The following C1QTNF7 variants were observed in gnomAD, a reference collection of about 807,000 sequenced individuals.
C1QTNF7 encodes complement C1q tumor necrosis factor-related protein 7.
Under a neutral mutation model 19.6 loss-of-function variants are expected in C1QTNF7, and 15 were observed. The observed-to-expected ratio is 0.76, with a 90% confidence interval of 0.51 to 1.18. The LOEUF (loss-of-function observed/expected upper bound fraction) is 1.18. Among genes scored for constraint, C1QTNF7 ranks in the 50% most tolerant of loss-of-function variants. C1QTNF7 has a pLI of 0.00. For synonymous variants in C1QTNF7, 142 were observed against 137.5 expected (o/e 1.03, Z -0.23); for missense variants, 324 against 359.7 (o/e 0.90, Z 0.80).
intron 1 of C1QTNF7, among the ~76,000 whole-genome samples, chr4:15,340,528 T>C (rs1716502762): frequency 6.6e-6 from 1 of 152,186 alleles, no homozygotes; most frequent in African/African-American, 2.4e-5. Context: ...ACAGGCTAAC[T>C]TATTCCCAAG....
chr4:15,383,683 T>A (rs1266237218), intron 1 of C1QTNF7, among the ~76,000 whole-genome samples: 1 of 152,176 alleles, frequency 6.6e-6, no homozygotes, highest in Non-Finnish European at 1.5e-5. Flanking sequence ...TCCCACCTAC[T>A]CCCAACCACA....
chr4:15,411,671 C>T (rs1719408071), intron 1 of C1QTNF7, among the ~76,000 whole-genome samples: 1 of 152,154 alleles, frequency 6.6e-6, no homozygotes, highest in Admixed American at 6.5e-5. Flanking sequence ...GCCTACAGCC[C>T]TGGCAGGGTC....
chr4:15,386,406 C>T (rs4698378), intron 1 of C1QTNF7, among the ~76,000 whole-genome samples: 73,263 of 152,036 alleles, frequency 0.48, 19,263 homozygotes, highest in African/African-American at 0.69. Context: ...AGGCACCAGA[C>T]ACTGTTCTGG....
Position 15,401,595 on chromosome 4 carries a change from A to G in C1QTNF7, c.14-34141A>G, listed in dbSNP as rs563532625. ...ACAGAAGGCAGATACAAAATTACATACATCATAAATGATCCACCACCAGAG... is the reference window on the plus strand; with the variant it reads ...ACAGAAGGCAGATACAAAATTACATGCATCATAAATGATCCACCACCAGAG... On this transcript the variant is annotated intron_variant, in intron 1 of 2. Coordinates refer to the C1QTNF7 transcript ENST00000295297. Among the ~76,000 whole-genome samples the G allele has an allele frequency of 7.2e-5, 11 of 152,372 alleles. No individual in the cohort carries two copies. In the South Asian group the frequency reaches 2.1e-3, roughly 29 times the overall value.
At chr4:15,410,802 G>T (rs1261045396) in intron 1 of C1QTNF7, among the ~76,000 whole-genome samples, 1 of 152,178 alleles carries the variant, frequency 6.6e-6, no homozygotes, top group Non-Finnish European at 1.5e-5. Flanking sequence ...AGAACTATTA[G>T]GGGAACAAAT....
intron 1 of C1QTNF7, chr4:15,374,612 CT>C: frequency 2.0e-6 from 2 of 985,406 alleles, no homozygotes; most frequent in Non-Finnish European, 2.4e-6. Context: ...TGGGAGAACG[CT>C]TTTGAAAGCG....
intron 1 of C1QTNF7, among the ~76,000 whole-genome samples, chr4:15,394,973 C>G (rs1016084936): frequency 7.9e-5 from 12 of 152,132 alleles, no homozygotes; most frequent in African/African-American, 2.9e-4. Flanking sequence ...GGAGGTGATT[C>G]AGTGACAACA....
At chr4:15,440,791 AT>A (rs1577286123) in intron 2 of C1QTNF7, among the ~76,000 whole-genome samples, 1 of 151,834 alleles carries the variant, frequency 6.6e-6, no homozygotes, top group African/African-American at 2.4e-5. Flanking sequence ...TCATTGTTTT[AT>A]GGTTATTGTA....
intron 1 of C1QTNF7, among the ~76,000 whole-genome samples, chr4:15,381,106 C>T (rs1447170828): frequency 6.6e-6 from 1 of 151,804 alleles, no homozygotes; most frequent in Non-Finnish European, 1.5e-5. Flanking sequence ...CATTTACTAG[C>T]TGTATCTCTT....
chr4:15,385,932 C>G (rs1001134381), intron 1 of C1QTNF7, among the ~76,000 whole-genome samples: 1 of 152,172 alleles, frequency 6.6e-6, no homozygotes, highest in Admixed American at 6.5e-5. Flanking sequence ...CATCATAACA[C>G]GATAATAAAA....
chr4:15,383,279 G>C lies in C1QTNF7; in HGVS notation c.13+43072G>C, dbSNP rs949002147. On this transcript the variant is annotated intron_variant, in intron 1 of 2. Transcript: ENST00000295297. The stretch of plus-strand genomic sequence containing the variant: ...CCAAATGATAATTTTCATGCAGCCA[G>C]AGTGTTGCTAGGTTCAGGGCAGAGG... 2.6e-5 allele frequency among the ~76,000 whole-genome samples: 4 copies of C among 152,114 alleles called. No homozygotes were observed. The East Asian group carries it at 7.7e-4, about 29-fold the overall frequency.
At chr4:15,416,523 C>G (rs116287268) in intron 1 of C1QTNF7, among the ~76,000 whole-genome samples, 2,268 of 152,282 alleles carry the variant, frequency 0.015, 58 homozygotes, top group African/African-American at 0.052. Context: ...CTGGACCAGG[C>G]AGGATACAGG....
chr4:15,428,849 T>C (rs1343302435), intron 1 of C1QTNF7, among the ~76,000 whole-genome samples: 4 of 152,228 alleles, frequency 2.6e-5, no homozygotes, highest in Non-Finnish European at 4.4e-5. Flanking sequence ...CCGTTTTGGC[T>C]TTTCCTGGTT....
intron 1 of C1QTNF7, among the ~76,000 whole-genome samples, chr4:15,385,990 G>T (rs960025135): frequency 1.3e-5 from 2 of 152,014 alleles, no homozygotes; most frequent in African/African-American, 4.8e-5. Context: ...ATTTTGTTTC[G>T]CCAGCCAGAA....
In C1QTNF7 at chr4:15,442,293, GGACCAAAGGGA is replaced by G; in HGVS notation, c.368_378del (p.Pro123GlnfsTer42). ...AGAAGTAGGTCCAATTGGTCCTCCT[GGACCAAAGGGA>G]GACAGAGGAGAACAAGGGGACCCGG... is the stretch of plus-strand genomic sequence containing the variant. On this transcript the variant is annotated frameshift_variant, in exon 3 of 3. Transcript: ENST00000444304. LOFTEE classifies it high-confidence loss of function. 1 of 1,614,114 alleles carries G rather than the reference GGACCAAAGGGA, an allele frequency of 6.2e-7. No homozygotes were observed. Among genetic ancestry groups the G allele is most frequent in the African/African-American group, 1.3e-5 (1 of 75,002 alleles).
intron 1 of C1QTNF7, among the ~76,000 whole-genome samples, chr4:15,415,928 A>G (rs1719589605): frequency 6.6e-6 from 1 of 152,224 alleles, no homozygotes; most frequent in East Asian, 1.9e-4. Flanking sequence ...CATTGATTTA[A>G]CTAATCTTTA....
intron 1 of C1QTNF7, among the ~76,000 whole-genome samples, chr4:15,418,316 C>T (rs1711543290): frequency 6.6e-6 from 1 of 152,112 alleles, no homozygotes; most frequent in South Asian, 2.1e-4. Flanking sequence ...TCTCATGGAA[C>T]CCCATTGCTG....
At chr4:15,407,043 G>A (rs886848641) in intron 1 of C1QTNF7, among the ~76,000 whole-genome samples, 1 of 152,150 alleles carries the variant, frequency 6.6e-6, no homozygotes, top group Admixed American at 6.5e-5. Context: ...CATCTCAACA[G>A]TATGATTAAA....
At chr4:15,411,456 A>G (rs1008800479) in intron 1 of C1QTNF7, among the ~76,000 whole-genome samples, 17 of 152,204 alleles carry the variant, frequency 1.1e-4, no homozygotes, top group African/African-American at 3.9e-4. Flanking sequence ...GTGCAGAATC[A>G]CCAGGAGGGT....
Sources: allele counts gnomAD v4.1 joint callset (sites outside exome capture counted in the v4.1 genomes callset), GRCh38; gene constraint gnomAD v4.1.1; transcripts MANE v1.5; gene names NCBI Gene and HGNC (gene_info 2026-07-23, HGNC 2026-07-21).